Variants in NRG1 observed in about 807,000 individuals in gnomAD.
The protein encoded by NRG1 is neuregulin 1.
In NRG1, 18 loss-of-function variants were observed where a neutral mutation model predicts 63.8. The ratio of observed to expected loss-of-function variants is 0.28; its 90% CI spans 0.19 to 0.42. The LOEUF (loss-of-function observed/expected upper bound fraction) is 0.42, where lower values mean the gene tolerates loss of function less well. Ranked by LOEUF, NRG1 falls within the 10% of genes least tolerant of loss-of-function variation. The probability of loss-of-function intolerance (pLI) is 1.00; values close to 1 mark genes in which losing one functional copy is unlikely to be tolerated. For missense variants in NRG1, 762 were observed against 814.7 expected (o/e 0.94, Z 0.79); for synonymous variants, 302 against 301.3 (o/e 1.00, Z -0.02).
chr8:32,315,255 G>A (rs1857253377), intron 1 of NRG1, among the ~76,000 whole-genome samples: 1 of 152,070 alleles, frequency 6.6e-6, no homozygotes, highest in Non-Finnish European at 1.5e-5. Context: ...CCCCTGACAG[G>A]TCCTGGTGTG....
chr8:32,577,184 A>C (rs1008863465), intron 1 of NRG1, among the ~76,000 whole-genome samples: 5 of 152,206 alleles, frequency 3.3e-5, no homozygotes, highest in African/African-American at 9.6e-5. Context: ...GATATTCCAC[A>C]GTGTGTATAT....
intron 1 of NRG1, among the ~76,000 whole-genome samples, chr8:32,196,662 T>C (rs192019923): frequency 4.0e-4 from 61 of 152,238 alleles, no homozygotes; most frequent in African/African-American, 1.4e-3. Flanking sequence ...GAAAATAGTT[T>C]AAAATTCCAA....
At chr8:31,927,414 C>A (rs1473665906) in intron 1 of NRG1, among the ~76,000 whole-genome samples, 1 of 141,894 alleles carries the variant, frequency 7.0e-6, no homozygotes. Flanking sequence ...TTTTAGTTTA[C>A]TGTACAATGA....
intron 1 of NRG1, among the ~76,000 whole-genome samples, chr8:31,903,414 G>T (rs1465198600): frequency 6.6e-6 from 1 of 151,606 alleles, no homozygotes; most frequent in Non-Finnish European, 1.5e-5. Flanking sequence ...CTCCCAAAGT[G>T]TTGGGATTAC....
intron 1 of NRG1, among the ~76,000 whole-genome samples, chr8:32,190,764 G>C (rs1994060): frequency 0.055 from 8,439 of 152,200 alleles, 396 homozygotes; most frequent in East Asian, 0.26. Context: ...CAAGATTCCT[G>C]GGTCAGAGAT....
intron 1 of NRG1, among the ~76,000 whole-genome samples, chr8:31,686,895 G>A (rs1273292395): frequency 1.3e-5 from 2 of 150,118 alleles, no homozygotes; most frequent in East Asian, 2.0e-4. Flanking sequence ...AGCCTTCTGA[G>A]TAGCTGGGAT....
At chr8:32,232,240 C>A (rs1032321586) in intron 1 of NRG1, among the ~76,000 whole-genome samples, 6 of 152,116 alleles carry the variant, frequency 3.9e-5, no homozygotes, top group Non-Finnish European at 5.9e-5. Context: ...TGATTCAAAT[C>A]ATTGAAGATG....
At chr8:31,704,268 T>C (rs1810905597) in intron 1 of NRG1, among the ~76,000 whole-genome samples, 1 of 152,224 alleles carries the variant, frequency 6.6e-6, no homozygotes, top group Non-Finnish European at 1.5e-5. Context: ...GAATTCTCTC[T>C]ATTATATTAC....
At chr8:32,627,029 A>T (rs1849430810) in intron 5 of NRG1, among the ~76,000 whole-genome samples, 2 of 151,888 alleles carry the variant, frequency 1.3e-5, no homozygotes, top group African/African-American at 4.8e-5. Context: ...CAAAAAAATA[A>T]AAATAAAAAA....
intron 1 of NRG1, among the ~76,000 whole-genome samples, chr8:31,782,508 A>T (rs1029477754): frequency 6.6e-6 from 1 of 152,174 alleles, no homozygotes; most frequent in Non-Finnish European, 1.5e-5. Context: ...TATTCCAGTG[A>T]CTGAAACAAT....
At chr8:31,935,899 G>T (rs983994228) in intron 1 of NRG1, among the ~76,000 whole-genome samples, 1 of 152,178 alleles carries the variant, frequency 6.6e-6, no homozygotes, top group Non-Finnish European at 1.5e-5. Context: ...AAGACATTTT[G>T]CTTAGCTCCT....
chr8:32,312,729 G>A (rs1472425735), intron 1 of NRG1, among the ~76,000 whole-genome samples: 2 of 152,074 alleles, frequency 1.3e-5, no homozygotes, highest in African/African-American at 4.8e-5. Flanking sequence ...TTTCAAAAAT[G>A]TACCAACCTC....
chr8:32,721,824 G>T (rs1820722135), intron 5 of NRG1: 2 of 1,359,418 alleles, frequency 1.5e-6, no homozygotes, highest in Non-Finnish European at 1.9e-6. Context: ...GCTACATTAG[G>T]TGGCACAGCT....
At chr8:31,654,163 T>C (rs1274972538) in intron 1 of NRG1, among the ~76,000 whole-genome samples, 6 of 152,208 alleles carry the variant, frequency 3.9e-5, no homozygotes, top group African/African-American at 1.4e-4. Context: ...CATATTTCTC[T>C]TTAAAATACT....
intron 1 of NRG1, among the ~76,000 whole-genome samples, chr8:32,312,157 G>GTTTTTTTT (rs35888973): frequency 3.5e-4 from 26 of 74,416 alleles, no homozygotes; most frequent in African/African-American, 6.6e-4. Flanking sequence ...GACCTTGTTT[G>GTTTTTTTT]TTTTTTTTTT....
At chr8:32,244,488 T>G (rs1848424182) in intron 1 of NRG1, among the ~76,000 whole-genome samples, 1 of 152,146 alleles carries the variant, frequency 6.6e-6, no homozygotes, top group Admixed American at 6.5e-5. Flanking sequence ...AGAGATTATT[T>G]TATCCAAACT....
chr8:32,098,134 C>CGTCGTA (rs77997125), intron 1 of NRG1, among the ~76,000 whole-genome samples: 1 of 151,874 alleles, frequency 6.6e-6, no homozygotes, highest in Non-Finnish European at 1.5e-5. Context: ...GGGAAGAAAC[C>CGTCGTA]AAGAGGGCCT....
intron 1 of NRG1, among the ~76,000 whole-genome samples, chr8:32,584,547 A>C (rs1488530149): frequency 6.6e-6 from 1 of 152,202 alleles, no homozygotes; most frequent in African/African-American, 2.4e-5. Context: ...AAGGCTTTCA[A>C]TCCTGGCAGG....
At chr8:32,029,202 A>T (rs1817905365) in intron 1 of NRG1, among the ~76,000 whole-genome samples, 1 of 152,186 alleles carries the variant, frequency 6.6e-6, no homozygotes, top group South Asian at 2.1e-4. Flanking sequence ...ATTCTGGATT[A>T]TGTGGGGATC....
Sources: gnomAD v4.1 joint callset for allele counts (sites outside exome capture counted in the v4.1 genomes callset) on GRCh38, gnomAD v4.1.1 for gene constraint, MANE v1.5 for transcripts, NCBI Gene and HGNC (gene_info 2026-07-23, HGNC 2026-07-21) for gene names.